SGK3: variants seen among roughly 807,000 people sequenced by gnomAD.
SGK3 encodes the protein serum/glucocorticoid regulated kinase family member 3.
Under a neutral mutation model 68.5 loss-of-function variants are expected in SGK3, and 47 were observed. The ratio of observed to expected loss-of-function variants is 0.69; its 90% CI spans 0.54 to 0.87. SGK3 has a LOEUF of 0.87. Among genes scored for constraint, SGK3 ranks in the 40% least tolerant of loss-of-function variants. The probability of loss-of-function intolerance (pLI) is 0.00; values close to 1 mark genes in which losing one functional copy is unlikely to be tolerated. For missense variants in SGK3, 479 were observed against 575.5 expected (o/e 0.83, Z 1.72); for synonymous variants, 181 against 189.1 (o/e 0.96, Z 0.35).
rs544370184 is a variant in SGK3, at chr8:66,761,292, G to A, written c.-121-32324G>A. Among the ~76,000 whole-genome samples the A allele has an allele frequency of 2.0e-5, 3 of 152,174 alleles. No individual in the cohort carries two copies. In the East Asian group the frequency reaches 5.8e-4, roughly 29 times the overall value. ...CATGCCCAGCTAGACATTCTTAAGTGAACCTGATTTTTGGGTTTTTTTGTT... is the reference window on the plus strand; with the variant it reads ...CATGCCCAGCTAGACATTCTTAAGTAAACCTGATTTTTGGGTTTTTTTGTT... On this transcript the variant is annotated intron_variant, in intron 1 of 16. Coordinates refer to ENST00000521198, the MANE Select transcript of SGK3 (RefSeq NM_001033578.3).
At chr8:66,716,521 GTTC>G (rs143055448) in intron 1 of SGK3, among the ~76,000 whole-genome samples, 5,052 of 126,332 alleles carry the variant, frequency 0.04, 297 homozygotes, top group African/African-American at 0.14. Context: ...GGTGGCCACT[GTTC>G]TTCTATTACG....
chr8:66,828,404 A>G (rs2130689485), intron 6 of SGK3, among the ~76,000 whole-genome samples: 1 of 152,320 alleles, frequency 6.6e-6, no homozygotes, highest in Admixed American at 6.5e-5. Flanking sequence ...GCCAACTTAG[A>G]GCTTGATTTC....
intron 1 of SGK3, among the ~76,000 whole-genome samples, chr8:66,786,207 T>A (rs1807192026): frequency 6.6e-6 from 1 of 152,166 alleles, no homozygotes; most frequent in Admixed American, 6.5e-5. Flanking sequence ...CTTAAAAAAA[T>A]TTATGAACTT....
chr8:66,722,870 G>A (rs1804835955), intron 1 of SGK3, among the ~76,000 whole-genome samples: 1 of 151,724 alleles, frequency 6.6e-6, no homozygotes, highest in Non-Finnish European at 1.5e-5. Context: ...AGGAGCAAGA[G>A]CAAGAGTGGT....
chr8:66,800,359 G>A (rs2130597973), intron 3 of SGK3, among the ~76,000 whole-genome samples: 1 of 148,478 alleles, frequency 6.7e-6, no homozygotes, highest in South Asian at 2.1e-4. Context: ...AAAAGTGGCG[G>A]GGGGGGAGTT....
At chr8:66,744,497 ATATATATATATATATATATATAT>A (rs1805573642) in intron 1 of SGK3, among the ~76,000 whole-genome samples, 2 of 19,060 alleles carry the variant, frequency 1.0e-4, no homozygotes, top group East Asian at 1.3e-3. Flanking sequence ...ATATATATAT[ATATATATATATATATATATATAT>A]TTTTTTTTTT....
chr8:66,832,935 C>A (rs1809363542), intron 8 of SGK3, among the ~76,000 whole-genome samples: 1 of 151,222 alleles, frequency 6.6e-6, no homozygotes, highest in South Asian at 2.1e-4. Flanking sequence ...ATCTGATGGG[C>A]CACCTGATCT....
chr8:66,794,648 C>T (rs72654904), intron 2 of SGK3, among the ~76,000 whole-genome samples: 9,378 of 152,212 alleles, frequency 0.062, 362 homozygotes, highest in Non-Finnish European at 0.089. Flanking sequence ...CTTAGCCTCT[C>T]TTACTTCTAC....
At chr8:66,790,767 T>A (rs1212625956) in intron 1 of SGK3, 1 of 152,272 alleles carries the variant, frequency 6.6e-6, no homozygotes, top group African/African-American at 2.4e-5. Flanking sequence ...AAGTCAGTGT[T>A]TTTATCAGCT....
intron 1 of SGK3, among the ~76,000 whole-genome samples, chr8:66,713,665 TTTA>T (rs1586660915): frequency 6.6e-6 from 1 of 152,238 alleles, no homozygotes; most frequent in East Asian, 1.9e-4. Flanking sequence ...GGTGCCTTTT[TTTA>T]TTTACCAAAC....
chr8:66,779,582 AT>A (rs1384014936), intron 1 of SGK3, among the ~76,000 whole-genome samples: 6 of 136,198 alleles, frequency 4.4e-5, no homozygotes, highest in African/African-American at 1.6e-4. Flanking sequence ...ATATATATAT[AT>A]ATATATATAT....
chr8:66,806,955 C>T (rs1012942357), intron 4 of SGK3, among the ~76,000 whole-genome samples: 3 of 152,040 alleles, frequency 2.0e-5, no homozygotes, highest in Non-Finnish European at 1.5e-5. Context: ...TCATGGGTAG[C>T]GTGTGGGCCT....
Position 66,793,676 on chromosome 8 carries a change from G to A in SGK3, c.-61G>A, listed in dbSNP as rs73691596. 2.0e-6 allele frequency: 3 copies of A among 1,520,682 alleles called. No homozygotes were observed. The highest frequency in any genetic ancestry group is 3.7e-5 in the Admixed American group (2 of 54,492). The allele number at this position is 1,520,682 out of a possible 1,614,324, so 94.2% of individuals were successfully genotyped here. A position where few individuals can be genotyped will look rare whatever the true frequency, so the allele number is the denominator to read the frequency against. ...TTTTGTATTTTGGATTAGTTAATTG[G>A]GTTTGTCCTCTGCTGACTGTTTCTT... On this transcript the variant is annotated 5_prime_UTR_variant, in exon 2 of 17. Transcript: ENST00000521198.
intron 1 of SGK3, among the ~76,000 whole-genome samples, chr8:66,781,394 A>T (rs532372870): frequency 6.6e-6 from 1 of 152,188 alleles, no homozygotes; most frequent in Non-Finnish European, 1.5e-5. Flanking sequence ...GTCACTCAGG[A>T]TGGGAGTACA....
intron 6 of SGK3, among the ~76,000 whole-genome samples, chr8:66,826,702 T>A (rs1392537895): frequency 6.6e-6 from 1 of 152,130 alleles, no homozygotes; most frequent in East Asian, 1.9e-4. Context: ...TGGAATGCAG[T>A]GCCGCTATCT....
intron 10 of SGK3, among the ~76,000 whole-genome samples, chr8:66,839,309 C>T (rs1809669596): frequency 6.6e-6 from 1 of 150,504 alleles, no homozygotes; most frequent in South Asian, 2.1e-4. Flanking sequence ...CTAGAAAGTC[C>T]AACTGCTGTT....
intron 1 of SGK3, among the ~76,000 whole-genome samples, chr8:66,735,415 A>T (rs1805290238): frequency 6.6e-6 from 1 of 152,184 alleles, no homozygotes; most frequent in Admixed American, 6.5e-5. Context: ...AATGAAAAGG[A>T]TGTTGTATAT....
At chr8:66,841,132 C>A in intron 13 of SGK3, 22 bp downstream of exon 13, 2 of 1,526,652 alleles carry the variant, frequency 1.3e-6, no homozygotes, top group South Asian at 1.3e-5. Flanking sequence ...ATCTCATTGT[C>A]ATTTATATAA....
intron 4 of SGK3, among the ~76,000 whole-genome samples, chr8:66,810,885 C>G (rs1261221586): frequency 6.6e-6 from 1 of 152,112 alleles, no homozygotes; most frequent in East Asian, 1.9e-4. Flanking sequence ...GTTTGCCAAT[C>G]TCTATAAGAT....
Sources: gnomAD v4.1 joint callset for allele counts (sites outside exome capture counted in the v4.1 genomes callset) on GRCh38, gnomAD v4.1.1 for gene constraint, MANE v1.5 for transcripts, NCBI Gene and HGNC (gene_info 2026-07-23, HGNC 2026-07-21) for gene names.